The following CHFR variants were observed in gnomAD, a reference collection of about 807,000 sequenced individuals.
CHFR encodes E3 ubiquitin-protein ligase CHFR.
CHFR carries 57 observed loss-of-function variants against 87.6 expected under a neutral mutation model. That is an observed-to-expected ratio of 0.65 (90% CI 0.53 to 0.81). The LOEUF (loss-of-function observed/expected upper bound fraction) is 0.81. Ranked by LOEUF, CHFR falls within the 30% of genes least tolerant of loss-of-function variation. The pLI, the probability that CHFR is intolerant of heterozygous loss-of-function variation, is 0.00. For synonymous variants in CHFR, 381 were observed against 359.2 expected, an observed-to-expected ratio of 1.06 and a Z score of -0.69; for missense variants, 797 against 865.8, an observed-to-expected ratio of 0.92 and a Z score of 1.00.
intron 12 of CHFR, among the ~76,000 whole-genome samples, chr12:132,850,764 T>G (rs2136941389): frequency 6.6e-6 from 1 of 152,150 alleles, no homozygotes; most frequent in Non-Finnish European, 1.5e-5. Flanking sequence ...AACACCGGTG[T>G]GTGCGGCAGG....
intron 2 of CHFR, 95 bp downstream of exon 2, chr12:132,887,101 T>C: frequency 2.8e-6 from 3 of 1,077,120 alleles, no homozygotes; most frequent in Non-Finnish European, 3.7e-6. Flanking sequence ...CACGGAAAAA[T>C]CTGGAGCGCA....
chr12:132,869,462 G>A (rs1394628645), intron 6 of CHFR, among the ~76,000 whole-genome samples, 157 bp downstream of exon 6: 1 of 152,092 alleles, frequency 6.6e-6, no homozygotes, highest in Non-Finnish European at 1.5e-5. Flanking sequence ...GGAAGTGAAG[G>A]GAACAACACA....
Position 132,869,798 on chromosome 12 carries a change from T to A in CHFR, c.404A>T (p.Asp135Val), listed in dbSNP as rs1415698891. The change falls in exon 6 of 18, where the codon GAT (aspartate) becomes GTT (valine). Residue 135 changes from aspartate to valine, a missense_variant and splice_region_variant. By Grantham distance (152) the Asp-to-Val change is radical. Around this residue, in one of 2 missense-constraint regions of CHFR, gnomAD observed 597 missense variants for 601.2 expected, o/e 0.99. Transcript: ENST00000450056. The part of the protein sequence containing the change: ...EKQGMTQESF[D>V]TSGAGAGRGA... ...TCGCCCTGCACCTGCACCTGAGGTATCTTTGGTCCCATGGAACACATTTTC... is the reference window on the plus strand; with the variant it reads ...TCGCCCTGCACCTGCACCTGAGGTAACTTTGGTCCCATGGAACACATTTTC... The A allele has an allele frequency of 2.6e-6, 4 of 1,551,268 alleles. No homozygotes were observed. Among genetic ancestry groups the A allele is most frequent in the Non-Finnish European group, 2.6e-6 (3 of 1,146,984 alleles).
chr12:132,859,661 T>C (rs923648671), intron 7 of CHFR, among the ~76,000 whole-genome samples: 1 of 152,286 alleles, frequency 6.6e-6, no homozygotes, highest in Non-Finnish European at 1.5e-5. Context: ...TCTTCTGGTG[T>C]TTTTATTTTT....
Position 132,848,913 on chromosome 12 carries a change from T to A in CHFR, c.1493-189A>T, listed in dbSNP as rs552558543. 3.1e-5 allele frequency: 17 copies of A among 541,442 alleles called. 1 individual carries two copies. In the South Asian group the frequency reaches 4.8e-4, roughly 15 times the overall value. The allele number at this position is 541,442 out of a possible 1,614,324, so 33.5% of individuals were successfully genotyped here. A position where few individuals can be genotyped will look rare whatever the true frequency, so the allele number is the denominator to read the frequency against. ...TGTGATGGACTGTGATGGCGAGGAGTTGTATCCCTGAAAAAAGGCGAGGCT... is the reference window on the plus strand; with the variant it reads ...TGTGATGGACTGTGATGGCGAGGAGATGTATCCCTGAAAAAAGGCGAGGCT... On this transcript the variant is annotated intron_variant, in intron 12 of 17. Coordinates refer to ENST00000450056, the MANE Select transcript of CHFR (RefSeq NM_001161346.2).
chr12:132,852,109 G>C (rs1178235132), intron 11 of CHFR, among the ~76,000 whole-genome samples: 1 of 151,324 alleles, frequency 6.6e-6, no homozygotes, highest in Non-Finnish European at 1.5e-5. Context: ...TTAGCCTCCC[G>C]AGTAGCTGGG....
chr12:132,843,995 C>A (rs1175821605), intron 16 of CHFR, 32 bp downstream of exon 16: 1 of 1,393,400 alleles, frequency 7.2e-7, no homozygotes, highest in South Asian at 1.2e-5. Flanking sequence ...CCAGACAGAA[C>A]TAGAGCCATG....
chr12:132,874,637 C>A (rs11147129), intron 3 of CHFR, among the ~76,000 whole-genome samples: 3 of 68,968 alleles, frequency 4.3e-5, no homozygotes, highest in African/African-American at 1.2e-4. Context: ...GCACCCAGCG[C>A]GGGGAAGCCA....
Position 132,859,231 on chromosome 12 carries a change from CA to C in CHFR, c.752-5del. 4 of 1,611,320 alleles carry C rather than the reference CA, an allele frequency of 2.5e-6. No individual in the cohort carries two copies. The highest frequency in any genetic ancestry group is 3.4e-6 in the Non-Finnish European group (4 of 1,178,602). ...CCGTTCAGGTCAAGGTCCCCATCTA[CA>C]GGAGAAAGGGATGTGTTCTGTCGTA... On this transcript the variant is annotated splice_region_variant and splice_polypyrimidine_tract_variant and intron_variant, in intron 7 of 17. Coordinates refer to ENST00000450056, the MANE Select transcript of CHFR (RefSeq NM_001161346.2).
Position 132,844,013 on chromosome 12 carries a change from C to A in CHFR, c.1843+14G>T, listed in dbSNP as rs747787830. 1.3e-6 allele frequency: 2 copies of A among 1,564,188 alleles called. No homozygotes were observed. Among genetic ancestry groups the A allele is most frequent in the Admixed American group, 1.7e-5 (1 of 59,894 alleles). On this transcript the variant is annotated intron_variant, in intron 16 of 17. Transcript: ENST00000450056. ...GACAGAACTAGAGCCATGAGGAAGT[C>A]GGGGGCTCCTTACCTGGCAACTCGG...
At chr12:132,877,688 G>A (rs375659602) in intron 2 of CHFR, 34 bp from the exon 3 acceptor site, 1 of 1,445,232 alleles carries the variant, frequency 6.9e-7, no homozygotes, top group African/African-American at 1.4e-5. Context: ...CACGGGATAT[G>A]ATCGTGGTAA....
intron 6 of CHFR, among the ~76,000 whole-genome samples, chr12:132,863,786 G>T (rs1040151333): frequency 6.6e-6 from 1 of 152,056 alleles, no homozygotes; most frequent in Non-Finnish European, 1.5e-5. Context: ...TTGAGACAGG[G>T]TCTCACTCTT....
At chr12:132,858,804 C>T (rs1401712590) in intron 8 of CHFR, among the ~76,000 whole-genome samples, 13 of 138,234 alleles carry the variant, frequency 9.4e-5, no homozygotes, top group Admixed American at 7.5e-5. Context: ...GTCAGCCAGG[C>T]ATAGTGGTGT....
chr12:132,859,406 A>G (rs969638524), intron 7 of CHFR, among the ~76,000 whole-genome samples, 179 bp from the exon 8 acceptor site: 3 of 151,678 alleles, frequency 2.0e-5, no homozygotes, highest in African/African-American at 7.3e-5. Flanking sequence ...GCTGGAGTGC[A>G]GTGGCGCGAT....
intron 2 of CHFR, among the ~76,000 whole-genome samples, chr12:132,886,098 G>C (rs1951885830): frequency 6.6e-6 from 1 of 152,138 alleles, no homozygotes; most frequent in Non-Finnish European, 1.5e-5. Flanking sequence ...AATCACTTTA[G>C]TTCAGTTGTT....
In CHFR at chr12:132,841,572, C is replaced by T; in HGVS notation, c.1941G>A (p.Gln647=). 1 of 1,613,998 alleles carries T rather than the reference C, an allele frequency of 6.2e-7. No individual in the cohort carries two copies. The highest frequency in any genetic ancestry group is 8.5e-7 in the Non-Finnish European group (1 of 1,179,864). ...HAMKFNHICE[Q]TRFKN ...TGGATGCTTAGTTTTTGAACCTTGTCTGTTCACAGATATGATTGAATTTCC... is the reference window on the plus strand; with the variant it reads ...TGGATGCTTAGTTTTTGAACCTTGTTTGTTCACAGATATGATTGAATTTCC... Residue 647 remains glutamine (Q), a synonymous_variant, in exon 18 of 18, where the codon CAG becomes CAA. Coordinates refer to ENST00000450056, the MANE Select transcript of CHFR (RefSeq NM_001161346.2).
chr12:132,868,376 G>A (rs1431152906), intron 6 of CHFR, among the ~76,000 whole-genome samples: 1 of 151,752 alleles, frequency 6.6e-6, no homozygotes, highest in African/African-American at 2.4e-5. Context: ...TGTAGTCCCA[G>A]CTACTCAGAG....
In CHFR at chr12:132,844,147, C is replaced by T. The variant is rs1950758824; in HGVS notation, c.1736-13G>A. ...GTGACTCTGTAATCTGGAAGAAACACAGCCAGTTACCCAGCAACACCATCT... is the reference window on the plus strand; with the variant it reads ...GTGACTCTGTAATCTGGAAGAAACATAGCCAGTTACCCAGCAACACCATCT... On this transcript the variant is annotated splice_polypyrimidine_tract_variant and intron_variant, in intron 15 of 17. Transcript: ENST00000450056. 1 of 1,562,266 alleles carries T rather than the reference C, an allele frequency of 6.4e-7. No homozygotes were observed. The highest frequency in any genetic ancestry group is 8.8e-7 in the Non-Finnish European group (1 of 1,137,928).
At chr12:132,848,543 T>C (rs1258362728) in intron 13 of CHFR, 98 bp downstream of exon 13, 3 of 925,688 alleles carry the variant, frequency 3.2e-6, no homozygotes, top group Non-Finnish European at 3.4e-6. Flanking sequence ...CTCATCCCTA[T>C]AAACATCAGG....
Sources: allele counts gnomAD v4.1 joint callset (sites outside exome capture counted in the v4.1 genomes callset), GRCh38; gene constraint gnomAD v4.1.1; regional missense constraint gnomAD v4.1.1; transcripts MANE v1.5; gene names NCBI Gene and HGNC (gene_info 2026-07-23, HGNC 2026-07-21).